CD46: variants seen among roughly 807,000 people sequenced by gnomAD.
The protein encoded by CD46 is membrane cofactor protein.
CD46 carries 30 observed loss-of-function variants against 53.3 expected under a neutral mutation model. That is an observed-to-expected ratio of 0.56 (90% CI 0.42 to 0.76). CD46 has a LOEUF of 0.76. Among genes scored for constraint, CD46 ranks in the 30% least tolerant of loss-of-function variants. CD46 has a pLI of 0.00. For missense variants in CD46, 409 were observed against 463.0 expected, an observed-to-expected ratio of 0.88 and a Z score of 1.07; for synonymous variants, 142 against 152.0, an observed-to-expected ratio of 0.93 and a Z score of 0.48.
intron 9 of CD46, among the ~76,000 whole-genome samples, chr1:207,784,776 G>A (rs965057706): frequency 6.6e-6 from 1 of 152,198 alleles, no homozygotes; most frequent in African/African-American, 2.4e-5. Context: ...TTCTTCACAT[G>A]ATGGCAGGAA....
chr1:207,769,848 C>T (rs570672642), intron 7 of CD46: 9 of 165,584 alleles, frequency 5.4e-5, no homozygotes, highest in East Asian at 5.2e-4. Flanking sequence ...CTGCAACCTC[C>T]GCCTCCCGGG....
chr1:207,770,426 T>C, intron 8 of CD46, 64 bp downstream of exon 8: 3 of 1,200,112 alleles, frequency 2.5e-6, no homozygotes, highest in Non-Finnish European at 3.7e-6. Context: ...TATTATACTT[T>C]AAGCTCTAGG....
intron 8 of CD46, among the ~76,000 whole-genome samples, 171 bp downstream of exon 8, chr1:207,770,533 C>T (rs1657394833): frequency 1.3e-5 from 2 of 152,138 alleles, no homozygotes; most frequent in East Asian, 3.9e-4. Context: ...AGGTATTTCT[C>T]CTAATGCTAT....
Position 207,791,474 on chromosome 1 carries a change from C to A in CD46, c.*41+1129C>A, listed in dbSNP as rs1659794118. 2.0e-5 allele frequency among the ~76,000 whole-genome samples: 3 copies of A among 152,142 alleles called. No individual in the cohort carries two copies. In the South Asian group the frequency reaches 6.2e-4, roughly 32 times the overall value. ...ACAGTCAATCTGATAACCAAGACAG[C>A]TATTGAGTAACAGGCACATAGTGTC... On this transcript the variant is annotated intron_variant, in intron 12 of 12. Transcript: ENST00000367042.
chr1:207,778,078 T>C (rs940615063), intron 8 of CD46, among the ~76,000 whole-genome samples: 9 of 152,174 alleles, frequency 5.9e-5, no homozygotes, highest in African/African-American at 2.2e-4. Flanking sequence ...TTTGGCCACA[T>C]ATATGTCTTC....
At position 207,752,967 on chromosome 1, in the gene CD46, G is replaced by A. The variant is rs993070519; in HGVS notation, c.97+658G>A. Among the ~76,000 whole-genome samples the A allele has an allele frequency of 2.6e-5, 4 of 151,984 alleles. No homozygotes were observed. The highest frequency in any genetic ancestry group is 5.9e-5 in the Non-Finnish European group (4 of 67,998). Reference sequence around the variant, plus strand: ...GCATGTTGAGTGAGAGCAGGCTCTCGGTGCCTGGGGTTAGAGAGGTGGTAA... The same window carrying A: ...GCATGTTGAGTGAGAGCAGGCTCTCAGTGCCTGGGGTTAGAGAGGTGGTAA... On this transcript the variant is annotated intron_variant, in intron 1 of 12. Transcript: ENST00000367042. The surrounding 1 kb of genome is among the most constrained non-coding windows in gnomAD (Gnocchi z 4.1).
At chr1:207,758,444 G>A (rs931759870) in intron 3 of CD46, among the ~76,000 whole-genome samples, 1 of 152,080 alleles carries the variant, frequency 6.6e-6, no homozygotes, top group Non-Finnish European at 1.5e-5. Flanking sequence ...CACAAGGGAG[G>A]GGGTTCTCGC....
intron 11 of CD46, 104 bp downstream of exon 11, chr1:207,785,786 T>C: frequency 1.3e-6 from 1 of 762,984 alleles, no homozygotes; most frequent in South Asian, 1.5e-5. Context: ...TCTTTTTTTT[T>C]TTTTTAAAAA....
chr1:207,765,223 A>G lies in CD46; in HGVS notation c.674-1790A>G, dbSNP rs1656711176. On this transcript the variant is annotated intron_variant, in intron 5 of 12. Coordinates refer to ENST00000367042, the MANE Select transcript of CD46 (RefSeq NM_172351.3). Reference sequence around the variant, plus strand: ...CATGTGGTTATCTTATTAGATGCAAAAAACAAAGAAAATGTTTGACAGAAT... The same window carrying G: ...CATGTGGTTATCTTATTAGATGCAAGAAACAAAGAAAATGTTTGACAGAAT... Among the ~76,000 whole-genome samples, 4 of 152,334 alleles carry G rather than the reference A, an allele frequency of 2.6e-5. No homozygotes were observed. The South Asian group carries it at 8.3e-4, about 32-fold the overall frequency.
chr1:207,763,340 C>G (rs751504902), intron 5 of CD46: 1 of 152,510 alleles, frequency 6.6e-6, no homozygotes, highest in Non-Finnish European at 1.5e-5. Flanking sequence ...TATAGCCCCC[C>G]AGCCTTGCTG....
In CD46 at chr1:207,752,265, G is replaced by A; in HGVS notation, c.53G>A (p.Gly18Glu). The A allele has an allele frequency of 6.2e-7, 1 of 1,614,140 alleles. No homozygotes were observed. The highest frequency in any genetic ancestry group is 8.5e-7 in the Non-Finnish European group (1 of 1,180,016). ...ECPFPSWRFP[G>E]LLLAAMVLLL... ...CCCTTTCCTTCCTGGCGCTTTCCTG[G>A]GTTGCTTCTGGCGGCCATGGTGTTG... Residue 18 changes from glycine (G) to glutamate (E), a missense_variant, in exon 1 of 13, where the codon GGG becomes GAG. Physicochemically the swap from Gly to Glu is moderately conservative, Grantham distance 98 (BLOSUM62 -2). Transcript: ENST00000367042. The surrounding 1 kb of genome is among the most constrained non-coding windows in gnomAD (Gnocchi z 4.1).
chr1:207,776,987 T>G (rs1658187157), intron 8 of CD46, among the ~76,000 whole-genome samples: 2 of 152,206 alleles, frequency 1.3e-5, no homozygotes, highest in Non-Finnish European at 2.9e-5. Flanking sequence ...TGATCTACAT[T>G]TATTTATTCA....
At position 207,761,458 on chromosome 1, in the gene CD46, A is replaced by G. The variant is rs1016871134; in HGVS notation, c.673+12A>G. 4.4e-6 allele frequency: 7 copies of G among 1,602,692 alleles called. No individual in the cohort carries two copies. In the Admixed American group the frequency reaches 5.0e-5, roughly 11 times the overall value. On this transcript the variant is annotated intron_variant, in intron 5 of 12. Coordinates refer to ENST00000367042, the MANE Select transcript of CD46 (RefSeq NM_172351.3). ...TCCAGAGTGTAAAGGTAGTGTTTCA[A>G]TTTATTTCCTTCTTCATTTGTAAAT... is the stretch of plus-strand genomic sequence containing the variant.
chr1:207,788,791 C>T (rs1377914787), intron 11 of CD46, among the ~76,000 whole-genome samples: 3 of 152,344 alleles, frequency 2.0e-5, no homozygotes, highest in Admixed American at 2.0e-4. Context: ...TACTCTTCTG[C>T]AGCCTTCATC....
chr1:207,756,036 C>T (rs2102532816), intron 1 of CD46, among the ~76,000 whole-genome samples: 1 of 152,122 alleles, frequency 6.6e-6, no homozygotes, highest in Middle Eastern at 3.4e-3. Context: ...GGGGAGAGTC[C>T]AGGGGAAGGT....
At chr1:207,780,841 G>T (rs1425399956) in intron 8 of CD46, among the ~76,000 whole-genome samples, 3 of 151,940 alleles carry the variant, frequency 2.0e-5, no homozygotes, top group African/African-American at 7.3e-5. Flanking sequence ...AGTTCTGGAG[G>T]CTGAGAAGTC....
Position 207,761,426 on chromosome 1 carries a change from G to A in CD46, c.653G>A (p.Arg218His), listed in dbSNP as rs770322216. 3.5e-5 allele frequency: 56 copies of A among 1,613,664 alleles called. No individual in the cohort carries two copies. Among genetic ancestry groups the A allele is most frequent in the Middle Eastern group, 1.6e-4 (1 of 6,082 alleles). The change falls in exon 5 of 13, where the codon CGT becomes CAT. Residue 218 changes from arginine to histidine, a missense_variant. Physicochemically the swap from Arg to His is conservative, Grantham distance 29. Coordinates refer to ENST00000367042, the MANE Select transcript of CD46 (RefSeq NM_172351.3). ...IYCGDNSVWS[R>H]AAPECKVVKC... is the part of the protein sequence containing the mutation. Reference sequence around the variant, plus strand: ...TGTGGTGACAATTCAGTGTGGAGTCGTGCTGCTCCAGAGTGTAAAGGTAGT... The same window carrying A: ...TGTGGTGACAATTCAGTGTGGAGTCATGCTGCTCCAGAGTGTAAAGGTAGT...
chr1:207,768,932 A>C (rs1038401850), intron 7 of CD46: 1 of 152,164 alleles, frequency 6.6e-6, no homozygotes, highest in African/African-American at 2.4e-5. Context: ...TAAAGGATCG[A>C]AGAGAATTAT....
At chr1:207,774,533 T>G (rs561622751) in intron 8 of CD46, among the ~76,000 whole-genome samples, 1 of 152,372 alleles carries the variant, frequency 6.6e-6, no homozygotes, top group South Asian at 2.1e-4. Flanking sequence ...GTTGTTCCTT[T>G]CCATGTTTAG....
Sources: allele counts gnomAD v4.1 joint callset (sites outside exome capture counted in the v4.1 genomes callset), GRCh38; gene constraint gnomAD v4.1.1; non-coding constraint Gnocchi (gnomAD v3.1); transcripts MANE v1.5; gene names NCBI Gene and HGNC (gene_info 2026-07-23, HGNC 2026-07-21).